The following ARMC6 variants were observed in gnomAD, a reference collection of about 807,000 sequenced individuals.
ARMC6 encodes armadillo repeat containing 6, also known as armadillo repeat-containing protein 6.
Under a neutral mutation model 49.2 loss-of-function variants are expected in ARMC6, and 43 were observed. The observed-to-expected ratio is 0.87, with a 90% CI of 0.69 to 1.13. ARMC6 has a LOEUF of 1.13. Ranked by LOEUF, ARMC6 falls within the 50% of genes most tolerant of loss-of-function variation. The pLI, the probability that ARMC6 is intolerant of heterozygous loss-of-function variation, is 0.00. For synonymous variants in ARMC6, 262 were observed against 289.6 expected, an observed-to-expected ratio of 0.90 and a Z score of 0.97; for missense variants, 627 against 682.0, an observed-to-expected ratio of 0.92 and a Z score of 0.90.
chr19:19,035,410 A>G (rs1439307739), intron 2 of ARMC6, among the ~76,000 whole-genome samples: 2 of 152,204 alleles, frequency 1.3e-5, no homozygotes, highest in Non-Finnish European at 2.9e-5. Context: ...GCCCTGATGG[A>G]TAATAGGGAC....
chr19:19,037,587 A>G (rs2059381064), intron 2 of ARMC6: 1 of 1,194,068 alleles, frequency 8.4e-7, no homozygotes, highest in East Asian at 6.2e-5. Flanking sequence ...GCTGGTCTCA[A>G]ACTCCTGGCC....
chr19:19,057,347 G>A, intron 8 of ARMC6, 69 bp from the exon 9 acceptor site: 1 of 1,333,070 alleles, frequency 7.5e-7, no homozygotes, highest in Non-Finnish European at 1.1e-6. Flanking sequence ...TTATGATGAA[G>A]ACCCTGAGGT....
At chr19:19,046,125 C>T (rs1319890279) in intron 4 of ARMC6, among the ~76,000 whole-genome samples, 1 of 152,186 alleles carries the variant, frequency 6.6e-6, no homozygotes, top group African/African-American at 2.4e-5. Flanking sequence ...AAAGGCCGTT[C>T]TACCAGCAGT....
At position 19,055,388 on chromosome 19, in the gene ARMC6, A is replaced by C. The variant is rs765081788; in HGVS notation, c.1147A>C (p.Ser383Arg). Residue 383 changes from serine (S) to arginine (R), a missense_variant, in exon 7 of 9, where the codon AGC (serine) becomes CGC (arginine). Coordinates refer to ENST00000535612, the MANE Select transcript of ARMC6 (RefSeq NM_001199196.2). The surrounding 1 kb of genome is among the most constrained non-coding windows in gnomAD (Gnocchi z 5.7). ...GGCTGCTATGACCCAGCATCTGACC[A>C]GCCCCCAGGTACCCACCTCGGGGGG... The part of the protein sequence containing the change: ...IVAAMTQHLT[S>R]PQVCEQSCAA... The C allele has an allele frequency of 1.9e-6, 3 of 1,605,504 alleles. No individual in the cohort carries two copies. The highest frequency in any genetic ancestry group is 3.3e-4 in the Middle Eastern group (2 of 6,006).
At position 19,054,342 on chromosome 19, in the gene ARMC6, A is replaced by G. The variant is rs778542015; in HGVS notation, c.1023+21A>G. On this transcript the variant is annotated intron_variant, in intron 6 of 8. Coordinates refer to ENST00000535612, the MANE Select transcript of ARMC6 (RefSeq NM_001199196.2). Reference sequence around the variant, plus strand: ...TTCAGGTATGAAGTCCCCCTGGCCCATTGCGTGCTGTCCTTCTGGGTCCCA... The same window carrying G: ...TTCAGGTATGAAGTCCCCCTGGCCCGTTGCGTGCTGTCCTTCTGGGTCCCA... The G allele has an allele frequency of 6.6e-6, 10 of 1,511,398 alleles. No homozygotes were observed. The South Asian group carries it at 1.2e-4, about 18-fold the overall frequency. 93.6% of individuals were successfully genotyped at this position (1,511,398 alleles called of 1,614,324 possible). A position where few individuals can be genotyped will look rare whatever the true frequency, so the allele number is the denominator to read the frequency against.
At chr19:19,056,037 C>A in intron 8 of ARMC6, 109 bp downstream of exon 8, 2 of 1,331,254 alleles carry the variant, frequency 1.5e-6, no homozygotes, top group Non-Finnish European at 1.0e-6. Context: ...GGGGCAAAGG[C>A]TCAGTCCCTA....
rs1475600460 is a variant in ARMC6, at chr19:19,051,902, A to G, written c.560A>G (p.Gln187Arg). ...GLQLLVATLT[Q>R]NADEADLTCS... is the part of the protein sequence containing the mutation. ...CAGCTCCTAGTGGCCACGCTGACCCAGAATGCTGATGAGGCTGACCTGACC... is the reference window on the plus strand; with the variant it reads ...CAGCTCCTAGTGGCCACGCTGACCCGGAATGCTGATGAGGCTGACCTGACC... The change falls in exon 5 of 9, where the codon CAG (glutamine) becomes CGG (arginine). Residue 187 changes from glutamine (Q) to arginine (R), a missense_variant. By Grantham distance (43) the Gln-to-Arg change is conservative (BLOSUM62 1). Coordinates refer to ENST00000535612, the MANE Select transcript of ARMC6 (RefSeq NM_001199196.2). The G allele has an allele frequency of 4.3e-6, 7 of 1,614,160 alleles. No homozygotes were observed. Among genetic ancestry groups the G allele is most frequent in the African/African-American group, 1.3e-5 (1 of 75,074 alleles).
In ARMC6 at chr19:19,055,291, C is replaced by A. The variant is rs952831260; in HGVS notation, c.1050C>A (p.Thr350=). The change falls in exon 7 of 9, where the codon ACC becomes ACA. Residue 350 remains threonine, a synonymous_variant. Coordinates refer to ENST00000535612, the MANE Select transcript of ARMC6 (RefSeq NM_001199196.2). This position sits in a 1 kb window ranked among gnomAD's most constrained non-coding sequence, Gnocchi z 5.7. ...AGCTCGTGAAGCAAGTGCTGAGCAC[C>A]CTGCGAGCCATCGCAGGCAACGACG... is the stretch of plus-strand genomic sequence containing the variant. ...VQELVKQVLS[T]LRAIAGNDDV... 3 of 1,610,664 alleles carry A rather than the reference C, an allele frequency of 1.9e-6. No individual in the cohort carries two copies. Among genetic ancestry groups the A allele is most frequent in the Admixed American group, 1.7e-5 (1 of 59,662 alleles).
chr19:19,036,307 C>T (rs564342759), intron 2 of ARMC6, among the ~76,000 whole-genome samples: 61 of 152,142 alleles, frequency 4.0e-4, no homozygotes, highest in Non-Finnish European at 7.6e-4. Flanking sequence ...GGTGATCCAC[C>T]GGTGTCAGCC....
intron 8 of ARMC6, 107 bp downstream of exon 8, chr19:19,056,035 G>T (rs1330211294): frequency 1.5e-6 from 2 of 1,344,182 alleles, no homozygotes; most frequent in East Asian, 2.5e-5. Context: ...ATGGGGCAAA[G>T]GCTCAGTCCC....
chr19:19,045,509 CAA>C (rs1791155407), intron 4 of ARMC6, among the ~76,000 whole-genome samples: 1 of 6,076 alleles, frequency 1.6e-4, no homozygotes, highest in South Asian at 3.4e-3. Flanking sequence ...TTTTTTGAGA[CAA>C]GAGTCTCACT....
At position 19,055,818 on chromosome 19, in the gene ARMC6, T is replaced by TGCTTCCTGGCCCTGC. The variant is rs1165480960; in HGVS notation, c.1185_1199dup (p.Phe396_Arg400dup). 6.2e-7 allele frequency: 1 copy of TGCTTCCTGGCCCTGC among 1,601,682 alleles called. No homozygotes were observed. The highest frequency in any genetic ancestry group is 1.1e-5 in the South Asian group (1 of 90,000). On this transcript the variant is annotated inframe_insertion, in exon 8 of 9. Coordinates refer to ENST00000535612, the MANE Select transcript of ARMC6 (RefSeq NM_001199196.2). This position sits in a 1 kb window ranked among gnomAD's most constrained non-coding sequence, Gnocchi z 5.7. ...GTGTGAGCAGAGCTGCGCGGCCCTG[T>TGCTTCCTGGCCCTGC]GCTTCCTGGCCCTGCGTAAGCCCGA...
In ARMC6 at chr19:19,057,557, C is replaced by G; in HGVS notation, c.1435C>G (p.Leu479Val). 1.2e-6 allele frequency: 2 copies of G among 1,613,508 alleles called. No individual in the cohort carries two copies. Among genetic ancestry groups the G allele is most frequent in the Non-Finnish European group, 1.7e-6 (2 of 1,180,010 alleles). ...CTGTGAGGACGTGGCCAAGGCCGCC[C>G]TGCGGGACCTGGGTTGTCATGTCGA... ...RDCEDVAKAALRDLGCHVELR... is the reference protein window; with the variant it reads ...RDCEDVAKAAVRDLGCHVELR... The change falls in exon 9 of 9, where the codon CTG becomes GTG. Residue 479 changes from leucine (L) to valine (V), a missense_variant. Transcript: ENST00000535612.
chr19:19,050,410 C>T (rs1017885305), intron 4 of ARMC6, among the ~76,000 whole-genome samples: 9 of 152,106 alleles, frequency 5.9e-5, no homozygotes, highest in Non-Finnish European at 8.8e-5. Flanking sequence ...GAGATGAATG[C>T]TCCGTATGTT....
At chr19:19,043,818 C>T (rs1484764527) in intron 3 of ARMC6, among the ~76,000 whole-genome samples, 174 bp from the exon 4 acceptor site, 2 of 152,122 alleles carry the variant, frequency 1.3e-5, no homozygotes, top group Admixed American at 6.5e-5. Flanking sequence ...ACACCCAATA[C>T]CCTCTACACC....
intron 3 of ARMC6, among the ~76,000 whole-genome samples, 162 bp downstream of exon 3, chr19:19,043,039 A>G (rs959875840): frequency 1.5e-4 from 23 of 152,102 alleles, no homozygotes; most frequent in African/African-American, 5.1e-4. Flanking sequence ...CAGGCTGGTT[A>G]TCCTGCTCCC....
At chr19:19,043,274 G>A (rs1430495608) in intron 3 of ARMC6, among the ~76,000 whole-genome samples, 1 of 152,164 alleles carries the variant, frequency 6.6e-6, no homozygotes, top group Admixed American at 6.5e-5. Flanking sequence ...GGTTATGAGG[G>A]GCTGTTTGCA....
In ARMC6 at chr19:19,054,154, T is replaced by G; in HGVS notation, c.856T>G (p.Phe286Val). The change falls in exon 6 of 9, where the codon TTC (phenylalanine) becomes GTC (valine). Residue 286 changes from phenylalanine to valine, a missense_variant and splice_region_variant. By Grantham distance (50) the Phe-to-Val change is conservative (BLOSUM62 -1). Coordinates refer to ENST00000535612, the MANE Select transcript of ARMC6 (RefSeq NM_001199196.2). ...LKVLIEATKA[F>V]LDNPGILSEL... ...ACCGTCTCCCTTTCTCCCTGCAGCG[T>G]TCCTGGATAACCCTGGCATCCTGAG... The G allele has an allele frequency of 6.4e-7, 1 of 1,568,980 alleles. No individual in the cohort carries two copies. The highest frequency in any genetic ancestry group is 2.4e-5 in the East Asian group (1 of 42,424).
At chr19:19,043,460 G>A (rs111258265) in intron 3 of ARMC6, among the ~76,000 whole-genome samples, 1 of 152,150 alleles carries the variant, frequency 6.6e-6, no homozygotes, top group East Asian at 1.9e-4. Flanking sequence ...CCCATCTCAA[G>A]TTCACTTCCC....
Sources: allele counts gnomAD v4.1 joint callset (sites outside exome capture counted in the v4.1 genomes callset), GRCh38; gene constraint gnomAD v4.1.1; non-coding constraint Gnocchi (gnomAD v3.1); transcripts MANE v1.5; gene names NCBI Gene and HGNC (gene_info 2026-07-23, HGNC 2026-07-21).